LIMS2: variants seen among roughly 807,000 people sequenced by gnomAD.
The protein encoded by LIMS2 is LIM zinc finger domain containing 2, also known as LIM and senescent cell antigen-like-containing domain protein 2.
Under a neutral mutation model 45.3 loss-of-function variants are expected in LIMS2, and 30 were observed. That is an observed-to-expected ratio of 0.66 (90% CI 0.50 to 0.90). The LOEUF (loss-of-function observed/expected upper bound fraction) is 0.90, where lower values mean the gene tolerates loss of function less well. Among genes scored for constraint, LIMS2 ranks in the 40% least tolerant of loss-of-function variants. LIMS2 has a pLI of 0.00. For synonymous variants in LIMS2, 173 were observed against 188.0 expected (o/e 0.92, Z 0.65); for missense variants, 485 against 468.7 (o/e 1.03, Z -0.32).
At chr2:127,674,747 G>A (rs1685428208) in intron 1 of LIMS2, 1 of 985,454 alleles carries the variant, frequency 1.0e-6, no homozygotes, top group Non-Finnish European at 1.2e-6. Flanking sequence ...GGCGTCGGTT[G>A]TGAGCAGACG....
At position 127,654,829 on chromosome 2, in the gene LIMS2, C is replaced by T. The variant is rs1416116174; in HGVS notation, c.238+1G>A. The T allele has an allele frequency of 1.9e-6, 3 of 1,614,128 alleles. No homozygotes were observed. The highest frequency in any genetic ancestry group is 2.5e-6 in the Non-Finnish European group (3 of 1,179,982). On this transcript the variant is annotated splice_donor_variant, in intron 3 of 9. Coordinates refer to ENST00000355119, the MANE Select transcript of LIMS2 (RefSeq NM_001161403.3). LOFTEE classifies it high-confidence loss of function. ...AGGATGTGTACTGTCACCGGCCTTA[C>T]CGCAGGATCCACAGCACGGAGCAAA...
In LIMS2 at chr2:127,640,901, T is replaced by C; in HGVS notation, c.748A>G (p.Asn250Asp). ...KGLAYCETHY[N>D]QLFGDVCYNC... Reference sequence around the variant, plus strand: ...AGGTTCTGCACCGGGCTCACCTGGTTGTAGTGAGTCTCGCAGTAGGCCAGG... The same window carrying C: ...AGGTTCTGCACCGGGCTCACCTGGTCGTAGTGAGTCTCGCAGTAGGCCAGG... Residue 250 changes from asparagine to aspartate, a missense_variant, in exon 7 of 10, where the codon AAC becomes GAC. Physicochemically the swap from Asn to Asp is conservative, Grantham distance 23 (BLOSUM62 1). Coordinates refer to ENST00000355119, the MANE Select transcript of LIMS2 (RefSeq NM_001161403.3). The C allele has an allele frequency of 6.2e-7, 1 of 1,613,332 alleles. No individual in the cohort carries two copies. Among genetic ancestry groups the C allele is most frequent in the Non-Finnish European group, 8.5e-7 (1 of 1,179,614 alleles).
chr2:127,674,518 C>A (rs367827127), intron 1 of LIMS2: 21 of 634,344 alleles, frequency 3.3e-5, no homozygotes, highest in Non-Finnish European at 3.7e-5. Context: ...GGTGCTTGGG[C>A]GCAGCTCTGG....
At chr2:127,644,241 AG>A (rs1227015291) in intron 4 of LIMS2, 2 of 380,870 alleles carry the variant, frequency 5.3e-6, no homozygotes, top group African/African-American at 2.1e-5. Context: ...TGTGCCCAGC[AG>A]GGGGCAACAG....
rs1464732293 is a variant in LIMS2 at position 127,638,850 on chromosome 2, T to C, written c.*431A>G. The C allele has an allele frequency of 5.9e-6, 1 of 170,788 alleles. No individual in the cohort carries two copies. Among genetic ancestry groups the C allele is most frequent in the African/African-American group, 2.4e-5 (1 of 41,816 alleles). 10.6% of individuals were successfully genotyped at this position (170,788 alleles called of 1,614,324 possible). A position where few individuals can be genotyped will look rare whatever the true frequency, so the allele number is the denominator to read the frequency against. ...GCCCTGTGGCTCCAGCAGGCTGCCC[T>C]GGCTGTGGGTAGCCCAGGAGCCACA... is the stretch of plus-strand genomic sequence containing the variant. On this transcript the variant is annotated 3_prime_UTR_variant, in exon 10 of 10. Transcript: ENST00000355119.
At chr2:127,676,493 C>A (rs1387525221), upstream of LIMS2, among the ~76,000 whole-genome samples, 1 of 146,150 alleles carries the variant, frequency 6.8e-6, no homozygotes, top group African/African-American at 2.6e-5. Context: ...CTCACTGCAA[C>A]CTCCGCCTCC....
chr2:127,680,655 C>A (rs959631526), intron 1 of LIMS2, among the ~76,000 whole-genome samples: 11 of 152,184 alleles, frequency 7.2e-5, no homozygotes, highest in African/African-American at 2.7e-4. Flanking sequence ...GGATTCTTTT[C>A]AGTCTGAGGG....
rs939942503 is a variant in LIMS2 at position 127,660,848 on chromosome 2, G to A, written c.12-3286C>T. On this transcript the variant is annotated intron_variant, in intron 1 of 9. Transcript: ENST00000355119. ...ATAGCCAGTCTGTAAGCAGTTCCTC[G>A]GCTGGTCCCTGAATGCATCCAGGGA... Among the ~76,000 whole-genome samples, 11 of 151,712 alleles carry A rather than the reference G, an allele frequency of 7.3e-5. No homozygotes were observed. The East Asian group carries it at 1.2e-3, about 16-fold the overall frequency.
In LIMS2 at chr2:127,642,177, G is replaced by A. The variant is rs567461062; in HGVS notation, c.532C>T (p.Arg178Cys). 29 of 1,570,280 alleles carry A rather than the reference G, an allele frequency of 1.8e-5. No individual in the cohort carries two copies. The highest frequency in any genetic ancestry group is 4.6e-5 in the South Asian group (4 of 86,960). The change falls in exon 6 of 10, where the codon CGC (arginine) becomes TGC (cysteine). Residue 178 changes from arginine (R) to cysteine (C), a missense_variant. Arg to Cys is a radical substitution (Grantham distance 180). Coordinates refer to ENST00000355119, the MANE Select transcript of LIMS2 (RefSeq NM_001161403.3). The surrounding 1 kb of genome is among the most constrained non-coding windows in gnomAD (Gnocchi z 5.3). ...HCGKELTAEA[R>C]ELKGELYCLP... is the part of the protein sequence containing the mutation. ...CAGTAGAGCTCACCCTTCAGCTCGCGGGCCTCGGCTGTCAGCTCCTTCCTG... is the reference window on the plus strand; with the variant it reads ...CAGTAGAGCTCACCCTTCAGCTCGCAGGCCTCGGCTGTCAGCTCCTTCCTG...
chr2:127,664,232 G>A lies in LIMS2; in HGVS notation c.12-6670C>T, dbSNP rs1252253500. ...GTCGGAGGGCCCCGGTCGGGTTTCC[G>A]AGGGAAGGCCTGCCCTGCCGCCGCA... On this transcript the variant is annotated intron_variant, in intron 1 of 9. Coordinates refer to ENST00000355119, the MANE Select transcript of LIMS2 (RefSeq NM_001161403.3). The surrounding 1 kb of genome is among the most constrained non-coding windows in gnomAD (Gnocchi z 5.5). 4.2e-6 allele frequency: 5 copies of A among 1,178,216 alleles called. No individual in the cohort carries two copies. The highest frequency in any genetic ancestry group is 5.3e-6 in the Non-Finnish European group (5 of 947,618). 73.0% of individuals were successfully genotyped at this position (1,178,216 alleles called of 1,614,324 possible).
chr2:127,662,625 C>G (rs1440770239), intron 1 of LIMS2, among the ~76,000 whole-genome samples: 2 of 59,224 alleles, frequency 3.4e-5, no homozygotes, highest in Non-Finnish European at 6.2e-5. Flanking sequence ...ACCAGAGGCT[C>G]TTGTGGGGTG....
intron 4 of LIMS2, chr2:127,650,937 G>A (rs201651043): frequency 8.1e-5 from 131 of 1,613,992 alleles, no homozygotes; most frequent in Middle Eastern, 1.6e-4. Context: ...CCCGGCCAAC[G>A]TGTTCCTGAT....
rs759719432 is a variant in LIMS2 at position 127,643,053 on chromosome 2, G to C, written c.379C>G (p.His127Asp). ...AGGCCCTTGGCCTTCTCACGGTTGT[G>C]GCAAGGCCGGCAGAGATGCCTGCGG... ...NAGRHLCRPC[H>D]NREKAKGLGK... Residue 127 changes from histidine to aspartate, a missense_variant, in exon 5 of 10, where the codon CAC (histidine) becomes GAC (aspartate). Physicochemically the swap from His to Asp is moderately conservative, Grantham distance 81. Transcript: ENST00000355119. 2 of 1,582,416 alleles carry C rather than the reference G, an allele frequency of 1.3e-6. No homozygotes were observed.
At chr2:127,665,320 C>T (rs1684945767) in intron 1 of LIMS2, among the ~76,000 whole-genome samples, 1 of 152,154 alleles carries the variant, frequency 6.6e-6, no homozygotes, top group African/African-American at 2.4e-5. Context: ...GCAGCCGTCA[C>T]TAAAGACAGC....
At chr2:127,662,096 C>A (rs1684706872) in intron 1 of LIMS2, among the ~76,000 whole-genome samples, 2 of 152,186 alleles carry the variant, frequency 1.3e-5, no homozygotes, top group South Asian at 4.1e-4. Flanking sequence ...AGCAGTCAGA[C>A]CAAGGGTGTG....
rs57220891 is a variant in LIMS2 at position 127,646,895 on chromosome 2, ATCAGAACTCC to A, written c.360-3833_360-3824del. The stretch of plus-strand genomic sequence containing the variant: ...CTCAGACCAAACTGCAACAATCAGT[ATCAGAACTCC>A]TCAAACGGGGGACAGAAAGGGAGAA... On this transcript the variant is annotated intron_variant, in intron 4 of 9. Coordinates refer to ENST00000355119, the MANE Select transcript of LIMS2 (RefSeq NM_001161403.3). 6.3e-3 allele frequency among the ~76,000 whole-genome samples: 963 copies of A among 152,370 alleles called. 9 individuals carry two copies. The highest frequency in any genetic ancestry group is 0.022 in the African/African-American group (925 of 41,584).
chr2:127,643,800 C>T (rs1322517317), intron 4 of LIMS2, among the ~76,000 whole-genome samples: 3 of 152,118 alleles, frequency 2.0e-5, no homozygotes, highest in Non-Finnish European at 4.4e-5. Context: ...ACCTCCCTGG[C>T]CCCCGTCTCC....
rs1685473066 is a variant in LIMS2, at chr2:127,675,482, G to C, written c.-458C>G. ...TCCAGGGACACGGAGCGCGGCCAGC[G>C]GCGGGCGCGGGTCAAGTCCTTCCCA... is the stretch of plus-strand genomic sequence containing the variant. On this transcript the variant is annotated 5_prime_UTR_variant, in exon 1 of 10. Transcript: ENST00000355119. Among the ~76,000 whole-genome samples, 2 of 151,870 alleles carry C rather than the reference G, an allele frequency of 1.3e-5. No individual in the cohort carries two copies. The highest frequency in any genetic ancestry group is 6.6e-5 in the Admixed American group (1 of 15,254).
At chr2:127,641,874 C>A (rs1366027985) in intron 6 of LIMS2, 175 bp downstream of exon 6, 16 of 683,178 alleles carry the variant, frequency 2.3e-5, no homozygotes, top group Non-Finnish European at 3.5e-5. Context: ...CTCCCGTGGG[C>A]AGGCTGGGGT....
Sources: allele counts gnomAD v4.1 joint callset (sites outside exome capture counted in the v4.1 genomes callset), GRCh38; gene constraint gnomAD v4.1.1; non-coding constraint Gnocchi (gnomAD v3.1); transcripts MANE v1.5; gene names NCBI Gene and HGNC (gene_info 2026-07-23, HGNC 2026-07-21).